SIKE1: variants seen among roughly 807,000 people sequenced by gnomAD.
SIKE1 encodes suppressor of IKBKE 1.
A neutral mutation model predicts 25.8 loss-of-function variants in SIKE1; 13 were observed. The ratio of observed to expected loss-of-function variants is 0.50; its 90% confidence interval spans 0.33 to 0.80. The LOEUF (loss-of-function observed/expected upper bound fraction) is 0.80. Ranked by LOEUF, SIKE1 falls within the 30% of genes least tolerant of loss-of-function variation. SIKE1 has a pLI of 0.02. For synonymous variants in SIKE1, 86 were observed against 95.5 expected, an observed-to-expected ratio of 0.90 and a Z score of 0.58; for missense variants, 222 against 252.4, an observed-to-expected ratio of 0.88 and a Z score of 0.82.
intron 4 of SIKE1, among the ~76,000 whole-genome samples, chr1:114,774,835 G>A (rs1052295612): frequency 2.6e-5 from 4 of 152,178 alleles, no homozygotes; most frequent in African/African-American, 9.7e-5. Context: ...TGAGCATGTA[G>A]CTGGGTACTA....
At chr1:114,780,045 T>C in intron 2 of SIKE1, 65 bp downstream of exon 2, 1 of 1,154,560 alleles carries the variant, frequency 8.7e-7, no homozygotes, top group Non-Finnish European at 1.3e-6. Context: ...TACACTTTTG[T>C]AAATGTTTAG....
intron 4 of SIKE1, 75 bp downstream of exon 4, chr1:114,776,271 T>C (rs904537430): frequency 3.4e-6 from 3 of 874,660 alleles, no homozygotes; most frequent in Admixed American, 3.6e-5. Context: ...ATTACAGTGA[T>C]GGGATAGTGA....
intron 3 of SIKE1, among the ~76,000 whole-genome samples, chr1:114,777,682 C>A (rs1274096936): frequency 6.6e-6 from 1 of 152,158 alleles, no homozygotes; most frequent in Non-Finnish European, 1.5e-5. Context: ...TCATCCAATG[C>A]CAACTCTGGT....
rs1420727861 is a variant in SIKE1 at position 114,773,490 on chromosome 1, T to A, written c.*781A>T. ...ACTGACTACTTATATTTGTTTTTTT[T>A]ATTTTGTGTGTGTTTTTGGCTGATT... is the stretch of plus-strand genomic sequence containing the variant. On this transcript the variant is annotated 3_prime_UTR_variant, in exon 5 of 5. Transcript: ENST00000060969. 2 of 152,198 alleles carry A rather than the reference T, an allele frequency of 1.3e-5. No individual in the cohort carries two copies. Among genetic ancestry groups the A allele is most frequent in the African/African-American group, 2.4e-5 (1 of 41,446 alleles). 9.4% of individuals were successfully genotyped at this position (152,198 alleles called of 1,614,324 possible). A position where few individuals can be genotyped will look rare whatever the true frequency, so the allele number is the denominator to read the frequency against.
intron 4 of SIKE1, among the ~76,000 whole-genome samples, chr1:114,775,081 G>A (rs1662174642): frequency 6.6e-6 from 1 of 152,164 alleles, no homozygotes; most frequent in Admixed American, 6.5e-5. Context: ...CGTAAGTGAG[G>A]TAAATCGGGG....
In SIKE1 at chr1:114,773,421, AAAAATTAAAATAGAATGTAG is replaced by A. The variant is rs1247782483; in HGVS notation, c.*830_*849del. On this transcript the variant is annotated 3_prime_UTR_variant, in exon 5 of 5. Coordinates refer to ENST00000060969, the MANE Select transcript of SIKE1 (RefSeq NM_025073.3). ...CTTAACTATAAAATGGAAATTGTATAAAAATTAAAATAGAATGTAGAACTAGTAGGATAACATTGAAAAAC... is the reference window on the plus strand; with the variant it reads ...CTTAACTATAAAATGGAAATTGTATAAACTAGTAGGATAACATTGAAAAAC... 6.6e-6 allele frequency: 1 copy of A among 152,210 alleles called. No individual in the cohort carries two copies. The highest frequency in any genetic ancestry group is 1.5e-5 in the Non-Finnish European group (1 of 68,030). 9.4% of individuals were successfully genotyped at this position (152,210 alleles called of 1,614,324 possible).
In SIKE1 at chr1:114,780,553, G is replaced by A; in HGVS notation, c.55C>T (p.Leu19=). The A allele has an allele frequency of 6.2e-7, 1 of 1,613,956 alleles. No individual in the cohort carries two copies. Among genetic ancestry groups the A allele is most frequent in the Non-Finnish European group, 8.5e-7 (1 of 1,180,014 alleles). The change falls in exon 1 of 5, where the codon CTA becomes TTA. Residue 19 remains leucine, a synonymous_variant. Transcript: ENST00000060969. The part of the protein sequence containing the change: ...LTDAKTLLER[L]REHDAAAESL... ...TCGGCGGCCGCATCGTGCTCCCGTA[G>A]CCTCTCCAGCAGCGTCTTGGCGTCT... is the stretch of plus-strand genomic sequence containing the variant.
rs898257264 is a variant in SIKE1 at position 114,771,873 on chromosome 1, T to C, written c.*2398A>G. ...TACACAATGGGGCCTAGACTAGATATTTTAAAATCAGTGTCTTTAGGAATT... is the reference window on the plus strand; with the variant it reads ...TACACAATGGGGCCTAGACTAGATACTTTAAAATCAGTGTCTTTAGGAATT... On this transcript the variant is annotated 3_prime_UTR_variant, in exon 5 of 5. Coordinates refer to ENST00000060969, the MANE Select transcript of SIKE1 (RefSeq NM_025073.3). 6.6e-5 allele frequency: 10 copies of C among 152,330 alleles called. No individual in the cohort carries two copies. Among genetic ancestry groups the C allele is most frequent in the African/African-American group, 2.4e-4 (10 of 41,582 alleles). 9.4% of individuals were successfully genotyped at this position (152,330 alleles called of 1,614,324 possible). A position where few individuals can be genotyped will look rare whatever the true frequency, so the allele number is the denominator to read the frequency against.
In SIKE1 at chr1:114,772,650, A is replaced by G. The variant is rs1342592292; in HGVS notation, c.*1621T>C. ...GGTTTGGCCGTGGCTGCCAAATGGTATAGAGTACCTGCCTCTTGAATGGAT... is the reference window on the plus strand; with the variant it reads ...GGTTTGGCCGTGGCTGCCAAATGGTGTAGAGTACCTGCCTCTTGAATGGAT... On this transcript the variant is annotated 3_prime_UTR_variant, in exon 5 of 5. Coordinates refer to ENST00000060969, the MANE Select transcript of SIKE1 (RefSeq NM_025073.3). 1 of 152,178 alleles carries G rather than the reference A, an allele frequency of 6.6e-6. No homozygotes were observed. Among genetic ancestry groups the G allele is most frequent in the East Asian group, 1.9e-4 (1 of 5,194 alleles). 9.4% of individuals were successfully genotyped at this position (152,178 alleles called of 1,614,324 possible). A position where few individuals can be genotyped will look rare whatever the true frequency, so the allele number is the denominator to read the frequency against.
chr1:114,774,913 A>G (rs548866431), intron 4 of SIKE1, among the ~76,000 whole-genome samples: 10 of 152,124 alleles, frequency 6.6e-5, no homozygotes, highest in Non-Finnish European at 1.5e-4. Flanking sequence ...ACATCCATAT[A>G]TTTCAGATGA....
Position 114,776,388 on chromosome 1 carries a change from A to G in SIKE1, c.480T>C (p.Asp160=), listed in dbSNP as rs2101130012. ...TTTCCTGAATCTTACAAAACTGGTCATCATCCACCTGAACTGCTTTCCTCA... is the reference window on the plus strand; with the variant it reads ...TTTCCTGAATCTTACAAAACTGGTCGTCATCCACCTGAACTGCTTTCCTCA... ...EVMRKAVQVD[D]DQFCKIQEKL... Residue 160 remains aspartate, a synonymous_variant, in exon 4 of 5, where the codon GAT becomes GAC. Coordinates refer to ENST00000060969, the MANE Select transcript of SIKE1 (RefSeq NM_025073.3). The G allele has an allele frequency of 1.9e-6, 3 of 1,613,762 alleles. No individual in the cohort carries two copies. The highest frequency in any genetic ancestry group is 2.5e-6 in the Non-Finnish European group (3 of 1,179,790).
In SIKE1 at chr1:114,780,191, T is replaced by TTGTATTTGGACATGTCCAAATTTGGA; in HGVS notation, c.183_184insTCCAAATTTGGACATGTCCAAATACA (p.Lys62SerfsTer53). On this transcript the variant is annotated frameshift_variant, in exon 2 of 5. Transcript: ENST00000060969. LOFTEE classifies it high-confidence loss of function. ...TGAGGTTTGTATTTGGACATGTCCTTCATATCGGATGCATCCTCTTGATAC... is the reference window on the plus strand; with the variant it reads ...TGAGGTTTGTATTTGGACATGTCCTTTGTATTTGGACATGTCCAAATTTGGACATATCGGATGCATCCTCTTGATAC... 1.9e-6 allele frequency: 3 copies of TTGTATTTGGACATGTCCAAATTTGGA among 1,613,676 alleles called. No individual in the cohort carries two copies. Among genetic ancestry groups the TTGTATTTGGACATGTCCAAATTTGGA allele is most frequent in the Admixed American group, 1.7e-5 (1 of 59,940 alleles).
rs890630043 is a variant in SIKE1, at chr1:114,773,176, G to C, written c.*1095C>G. ...GGGAATGAGTTGATGAGTGAACCCA[G>C]TTGACCACTGGGCATTTGAATCTCA... On this transcript the variant is annotated 3_prime_UTR_variant, in exon 5 of 5. Transcript: ENST00000060969. 7 of 152,054 alleles carry C rather than the reference G, an allele frequency of 4.6e-5. No individual in the cohort carries two copies. The highest frequency in any genetic ancestry group is 8.8e-5 in the Non-Finnish European group (6 of 68,004). The allele number at this position is 152,054 out of a possible 1,614,324, so 9.4% of individuals were successfully genotyped here.
chr1:114,774,566 G>A (rs188733474), intron 4 of SIKE1, among the ~76,000 whole-genome samples, 194 bp from the exon 5 acceptor site: 130 of 152,142 alleles, frequency 8.5e-4, no homozygotes, highest in Non-Finnish European at 1.2e-3. Context: ...GTAGGATGTA[G>A]GCAATGATAC....
At chr1:114,776,708 A>G (rs1178983048) in intron 3 of SIKE1, among the ~76,000 whole-genome samples, 3 of 151,404 alleles carry the variant, frequency 2.0e-5, no homozygotes, top group Admixed American at 2.0e-4. Flanking sequence ...TTCCTCAAGG[A>G]TCTAGAACTA....
In SIKE1 at chr1:114,780,175, T is replaced by A. The variant is rs750236933; in HGVS notation, c.200A>T (p.Tyr67Phe). 6.2e-7 allele frequency: 1 copy of A among 1,613,892 alleles called. No homozygotes were observed. Among genetic ancestry groups the A allele is most frequent in the Non-Finnish European group, 8.5e-7 (1 of 1,179,954 alleles). ...DASDMKDMSKYKPHILLSQEN... is the reference protein window; with the variant it reads ...DASDMKDMSKFKPHILLSQEN... ...TTGGGACAGCAGAATGTGAGGTTTG[T>A]ATTTGGACATGTCCTTCATATCGGA... is the stretch of plus-strand genomic sequence containing the variant. Residue 67 changes from tyrosine to phenylalanine, a missense_variant, in exon 2 of 5, where the codon TAC becomes TTC. Coordinates refer to ENST00000060969, the MANE Select transcript of SIKE1 (RefSeq NM_025073.3).
chr1:114,779,240 T>G lies in SIKE1; in HGVS notation c.310A>C (p.Ile104Leu). The G allele has an allele frequency of 1.2e-6, 2 of 1,614,226 alleles. No individual in the cohort carries two copies. The highest frequency in any genetic ancestry group is 1.7e-6 in the Non-Finnish European group (2 of 1,180,036). The change falls in exon 3 of 5, where the codon ATC (isoleucine) becomes CTC (leucine). Residue 104 changes from isoleucine (I) to leucine (L), a missense_variant. Transcript: ENST00000060969. Reference protein sequence around the residue: ...LEEHQDALELIMSKYRKQMLQ... With the variant: ...LEEHQDALELLMSKYRKQMLQ... ...ATCTGTTTCCGATATTTGCTCATGA[T>G]AAGTTCCAAAGCATCCTGGTGTTCC...
chr1:114,771,549 A>G lies in SIKE1; in HGVS notation c.*2722T>C, dbSNP rs1016603758. The G allele has an allele frequency of 9.2e-5, 14 of 152,212 alleles. No individual in the cohort carries two copies. The highest frequency in any genetic ancestry group is 5.2e-4 in the Admixed American group (8 of 15,272). 9.4% of individuals were successfully genotyped at this position (152,212 alleles called of 1,614,324 possible). On this transcript the variant is annotated 3_prime_UTR_variant, in exon 5 of 5. Coordinates refer to ENST00000060969, the MANE Select transcript of SIKE1 (RefSeq NM_025073.3). ...GAGTTTATATAATACAGTACCTGAC[A>G]GGTAGTAAAGCACTCAATAGATGGT...
intron 1 of SIKE1, 25 bp from the exon 2 acceptor site, chr1:114,780,240 C>T (rs1662364006): frequency 6.3e-7 from 1 of 1,591,000 alleles, no homozygotes; most frequent in Non-Finnish European, 8.6e-7. Context: ...ACAGACTAAG[C>T]ATGCCTTAAA....
Sources: allele counts gnomAD v4.1 joint callset (sites outside exome capture counted in the v4.1 genomes callset), GRCh38; gene constraint gnomAD v4.1.1; transcripts MANE v1.5; gene names NCBI Gene and HGNC (gene_info 2026-07-23, HGNC 2026-07-21).